PIBF1: variants seen among roughly 807,000 people sequenced by gnomAD.
PIBF1 encodes progesterone immunomodulatory binding factor 1.
PIBF1 carries 90 observed loss-of-function variants against 112.5 expected under a neutral mutation model. The observed-to-expected ratio is 0.80, with a 90% CI of 0.67 to 0.95. PIBF1 has a LOEUF of 0.95. Ranked by LOEUF, PIBF1 falls within the 40% of genes least tolerant of loss-of-function variation. The pLI is 0.00. For missense variants in PIBF1, 915 were observed against 852.3 expected, an observed-to-expected ratio of 1.07 and a Z score of -0.92; for synonymous variants, 301 against 288.6, an observed-to-expected ratio of 1.04 and a Z score of -0.44.
chr13:72,854,285 A>G (rs2038311489), intron 10 of PIBF1, 130 bp downstream of exon 10: 6 of 608,948 alleles, frequency 9.9e-6, no homozygotes, highest in African/African-American at 1.9e-5. Context: ...TTTCATTTCA[A>G]TAATTTTCAT....
chr13:72,872,369 G>GAA (rs1277267030), intron 10 of PIBF1, among the ~76,000 whole-genome samples: 1 of 152,158 alleles, frequency 6.6e-6, no homozygotes, highest in African/African-American at 2.4e-5. Flanking sequence ...ATGTGTTAAT[G>GAA]AAGGCTATAA....
intron 10 of PIBF1, 117 bp from the exon 11 acceptor site, chr13:72,893,667 A>G (rs1029365642): frequency 1.5e-4 from 81 of 523,586 alleles, no homozygotes; most frequent in Middle Eastern, 5.4e-4. Flanking sequence ...CTGAATAAAT[A>G]TAAATTATTA....
intron 13 of PIBF1, among the ~76,000 whole-genome samples, chr13:72,921,352 A>G (rs957460690): frequency 1.3e-5 from 2 of 152,134 alleles, no homozygotes; most frequent in African/African-American, 4.8e-5. Context: ...AGCTCAGGCA[A>G]TCTGCCCACC....
At chr13:72,964,544 A>G (rs2042689563) in intron 14 of PIBF1, among the ~76,000 whole-genome samples, 1 of 152,214 alleles carries the variant, frequency 6.6e-6, no homozygotes. Context: ...TGGATATATA[A>G]ATTATGTATT....
intron 6 of PIBF1, among the ~76,000 whole-genome samples, chr13:72,823,141 C>A (rs183595137): frequency 6.6e-6 from 1 of 152,186 alleles, no homozygotes; most frequent in African/African-American, 2.4e-5. Context: ...GATTATGATG[C>A]TAAGATGATA....
chr13:72,858,299 G>A (rs540607742), intron 10 of PIBF1, among the ~76,000 whole-genome samples: 31 of 152,136 alleles, frequency 2.0e-4, no homozygotes, highest in Non-Finnish European at 3.5e-4. Context: ...TAATCTGCCC[G>A]CCACAGCCTC....
chr13:72,819,642 G>T (rs1288243590), intron 5 of PIBF1, among the ~76,000 whole-genome samples: 1 of 151,934 alleles, frequency 6.6e-6, no homozygotes, highest in Non-Finnish European at 1.5e-5. Context: ...TGAAACTGGG[G>T]ATAATTTTTA....
chr13:72,785,838 C>T (rs2034569949), intron 2 of PIBF1, among the ~76,000 whole-genome samples: 1 of 152,128 alleles, frequency 6.6e-6, no homozygotes, highest in South Asian at 2.1e-4. Context: ...TGTTCAGCCA[C>T]CTCTTGTATT....
intron 12 of PIBF1, among the ~76,000 whole-genome samples, chr13:72,909,572 T>A (rs2040826966): frequency 6.6e-6 from 1 of 151,442 alleles, no homozygotes; most frequent in Non-Finnish European, 1.5e-5. Flanking sequence ...TCAGCTCACC[T>A]CAACCTCTGC....
chr13:72,829,004 G>A (rs2036967051), intron 8 of PIBF1, among the ~76,000 whole-genome samples: 2 of 152,182 alleles, frequency 1.3e-5, no homozygotes, highest in Admixed American at 1.3e-4. Flanking sequence ...TCTCATTGTG[G>A]TTTTGATTTG....
intron 10 of PIBF1, among the ~76,000 whole-genome samples, chr13:72,859,357 A>T (rs1482463919): frequency 1.3e-5 from 2 of 152,184 alleles, no homozygotes; most frequent in Non-Finnish European, 2.9e-5. Context: ...AATATGGGGA[A>T]AATATGGGAG....
chr13:72,790,950 A>G (rs543096293), intron 2 of PIBF1, among the ~76,000 whole-genome samples: 1 of 152,324 alleles, frequency 6.6e-6, no homozygotes, highest in African/African-American at 2.4e-5. Context: ...TTGATGATAG[A>G]ATGATTCAGT....
At chr13:72,946,636 G>T (rs1424433795) in intron 14 of PIBF1, among the ~76,000 whole-genome samples, 1 of 152,172 alleles carries the variant, frequency 6.6e-6, no homozygotes, top group East Asian at 1.9e-4. Context: ...AGATACAGTG[G>T]GGGTACAGGC....
At chr13:72,847,349 A>AT (rs1418927277) in intron 9 of PIBF1, among the ~76,000 whole-genome samples, 1 of 152,206 alleles carries the variant, frequency 6.6e-6, no homozygotes. Context: ...ACAGAAGTTT[A>AT]TTGGCTCACA....
At chr13:72,869,616 T>C (rs1189701519) in intron 10 of PIBF1, among the ~76,000 whole-genome samples, 3 of 134,096 alleles carry the variant, frequency 2.2e-5, no homozygotes, top group African/African-American at 7.6e-5. Flanking sequence ...TAAAGTATAA[T>C]AATAATAATA....
intron 17 of PIBF1, among the ~76,000 whole-genome samples, chr13:73,006,300 A>G (rs1026466498): frequency 6.6e-6 from 1 of 152,138 alleles, no homozygotes; most frequent in Non-Finnish European, 1.5e-5. Flanking sequence ...GTTTACATAT[A>G]CATTTTTAAA....
intron 9 of PIBF1, among the ~76,000 whole-genome samples, chr13:72,837,895 A>G (rs553765552): frequency 2.6e-5 from 4 of 152,294 alleles, no homozygotes; most frequent in African/African-American, 9.6e-5. Context: ...AGTTTTATGA[A>G]TGTACATGCT....
intron 10 of PIBF1, among the ~76,000 whole-genome samples, chr13:72,869,322 T>G (rs1011593358): frequency 6.6e-6 from 1 of 152,116 alleles, no homozygotes; most frequent in Non-Finnish European, 1.5e-5. Flanking sequence ...TGTAGGGACA[T>G]GGATGAAATT....
At chr13:72,791,245 A>G (rs2034912960) in intron 2 of PIBF1, among the ~76,000 whole-genome samples, 1 of 152,056 alleles carries the variant, frequency 6.6e-6, no homozygotes, top group South Asian at 2.1e-4. Flanking sequence ...TAGTAGAGAC[A>G]GAGTTTTACT....
Sources: gnomAD v4.1 joint callset for allele counts (sites outside exome capture counted in the v4.1 genomes callset) on GRCh38, gnomAD v4.1.1 for gene constraint, MANE v1.5 for transcripts, NCBI Gene and HGNC (gene_info 2026-07-23, HGNC 2026-07-21) for gene names.